Variants in CREB5 observed in about 807,000 individuals in gnomAD.
CREB5 encodes cAMP responsive element binding protein 5, also known as cyclic AMP-responsive element-binding protein 5.
In CREB5, 19 loss-of-function variants were observed where a neutral mutation model predicts 57.1. The observed-to-expected ratio is 0.33, with a 90% CI of 0.23 to 0.49. The LOEUF (loss-of-function observed/expected upper bound fraction) is 0.49. Among genes scored for constraint, CREB5 ranks in the 20% least tolerant of loss-of-function variants. The probability of loss-of-function intolerance (pLI) is 0.99; values close to 1 mark genes in which losing one functional copy is unlikely to be tolerated. For missense variants in CREB5, 579 were observed against 671.6 expected, an observed-to-expected ratio of 0.86 and a Z score of 1.52; for synonymous variants, 238 against 238.3, an observed-to-expected ratio of 1.00 and a Z score of 0.01.
chr7:28,612,591 A>G (rs1391737054), intron 5 of CREB5, among the ~76,000 whole-genome samples: 3 of 100,454 alleles, frequency 3.0e-5, no homozygotes, highest in Non-Finnish European at 4.4e-5. Flanking sequence ...TGTGTGTGTA[A>G]GGATACAGTT....
At chr7:28,357,062 C>CT (rs1282509739) in intron 1 of CREB5, among the ~76,000 whole-genome samples, 1 of 151,890 alleles carries the variant, frequency 6.6e-6, no homozygotes, top group Admixed American at 6.5e-5. Flanking sequence ...TTTCCTCTTT[C>CT]TTTTTTCCCT....
intron 1 of CREB5, among the ~76,000 whole-genome samples, chr7:28,427,721 A>G (rs1039310236): frequency 1.3e-5 from 2 of 151,994 alleles, no homozygotes; most frequent in South Asian, 2.1e-4. Flanking sequence ...CCTCCTAGCC[A>G]GACTTCGCTC....
At chr7:28,569,968 G>A (rs1795632258) in intron 4 of CREB5, among the ~76,000 whole-genome samples, 1 of 152,174 alleles carries the variant, frequency 6.6e-6, no homozygotes. Flanking sequence ...AAGCCAGTGT[G>A]CTTGTCATGC....
Position 28,446,076 on chromosome 7 carries a change from C to T in CREB5, c.3+33159C>T, listed in dbSNP as rs542685242. Among the ~76,000 whole-genome samples the T allele has an allele frequency of 2.0e-5, 3 of 152,350 alleles. No homozygotes were observed. The East Asian group carries it at 5.8e-4, about 29-fold the overall frequency. ...TTCCTGAAGTCAACTATACCAGACA[C>T]CAGAAAATACACGTGACTCCAAGGG... On this transcript the variant is annotated intron_variant, in intron 1 of 10. Transcript: ENST00000357727.
At chr7:28,683,019 G>C (rs758063068) in intron 5 of CREB5, among the ~76,000 whole-genome samples, 1 of 152,184 alleles carries the variant, frequency 6.6e-6, no homozygotes, top group Non-Finnish European at 1.5e-5. Context: ...AGGATGACAC[G>C]CTCTGCAAAG....
intron 1 of CREB5, among the ~76,000 whole-genome samples, chr7:28,451,948 T>C (rs1301806696): frequency 2.0e-5 from 3 of 152,202 alleles, no homozygotes. Context: ...TTGACAACAA[T>C]GGAAGTTGCG....
At chr7:28,737,416 A>G (rs931566479) in intron 7 of CREB5, among the ~76,000 whole-genome samples, 2 of 150,934 alleles carry the variant, frequency 1.3e-5, no homozygotes, top group Non-Finnish European at 2.9e-5. Context: ...TCATTTCCCC[A>G]TTGACAAAAT....
At chr7:28,791,793 A>G (rs1301125181) in intron 7 of CREB5, among the ~76,000 whole-genome samples, 1 of 152,206 alleles carries the variant, frequency 6.6e-6, no homozygotes. Flanking sequence ...TCAACCAGAA[A>G]GCTTTCTATT....
intron 1 of CREB5, among the ~76,000 whole-genome samples, chr7:28,417,386 C>A (rs1788071901): frequency 6.8e-6 from 1 of 147,314 alleles, no homozygotes. Context: ...TCTTTGAAAT[C>A]CAGTGTGTAT....
At chr7:28,642,152 T>C (rs1051152521) in intron 5 of CREB5, among the ~76,000 whole-genome samples, 1 of 152,238 alleles carries the variant, frequency 6.6e-6, no homozygotes, top group African/African-American at 2.4e-5. Context: ...GGTTTTTTTC[T>C]TTTTTGCTAT....
At chr7:28,539,761 G>A (rs946039928) in intron 4 of CREB5, among the ~76,000 whole-genome samples, 1 of 152,138 alleles carries the variant, frequency 6.6e-6, no homozygotes, top group East Asian at 1.9e-4. Context: ...CATATGTCAA[G>A]GTTCCCAGCC....
intron 1 of CREB5, among the ~76,000 whole-genome samples, chr7:28,384,062 C>T (rs1473703184): frequency 6.6e-6 from 1 of 152,090 alleles, no homozygotes; most frequent in Non-Finnish European, 1.5e-5. Flanking sequence ...GGGAGCTGTT[C>T]CTTGTGGCAT....
At chr7:28,506,030 G>A (rs1404618859) in intron 3 of CREB5, among the ~76,000 whole-genome samples, 1 of 152,168 alleles carries the variant, frequency 6.6e-6, no homozygotes, top group Non-Finnish European at 1.5e-5. Flanking sequence ...AATGCAAGGA[G>A]CTCAGTATCT....
intron 5 of CREB5, among the ~76,000 whole-genome samples, chr7:28,682,683 G>A (rs79442493): frequency 9.6e-6 from 1 of 104,550 alleles, no homozygotes; most frequent in Non-Finnish European, 1.8e-5. Context: ...ACCTAAAAGT[G>A]GGGGGGGGGG....
chr7:28,800,999 G>T (rs1377544805), intron 7 of CREB5, among the ~76,000 whole-genome samples: 1 of 152,190 alleles, frequency 6.6e-6, no homozygotes, highest in Non-Finnish European at 1.5e-5. Context: ...TGAGGATTAG[G>T]TAGCTTGATA....
intron 4 of CREB5, among the ~76,000 whole-genome samples, chr7:28,510,241 C>T (rs1293711170): frequency 6.6e-6 from 1 of 152,214 alleles, no homozygotes; most frequent in Non-Finnish European, 1.5e-5. Context: ...AAAGCAGAAA[C>T]ACAGGTTCTT....
At chr7:28,404,664 T>C (rs1787541209) in intron 1 of CREB5, among the ~76,000 whole-genome samples, 1 of 152,148 alleles carries the variant, frequency 6.6e-6, no homozygotes, top group Non-Finnish European at 1.5e-5. Flanking sequence ...ATTCTGAGCA[T>C]GAGATGAGGC....
intron 5 of CREB5, among the ~76,000 whole-genome samples, chr7:28,654,920 C>CT (rs1026155077): frequency 7.2e-5 from 11 of 151,984 alleles, no homozygotes; most frequent in East Asian, 5.8e-4. Flanking sequence ...AAATTCAATT[C>CT]TTTTTTTTCA....
intron 1 of CREB5, among the ~76,000 whole-genome samples, chr7:28,399,052 A>T (rs1015964449): frequency 1.3e-5 from 2 of 152,122 alleles, no homozygotes; most frequent in Non-Finnish European, 2.9e-5. Context: ...TCTATTATAC[A>T]TACCTATCAT....
Sources: gnomAD v4.1 joint callset for allele counts (sites outside exome capture counted in the v4.1 genomes callset) on GRCh38, gnomAD v4.1.1 for gene constraint, MANE v1.5 for transcripts, NCBI Gene and HGNC (gene_info 2026-07-23, HGNC 2026-07-21) for gene names.